ARHGAP24: variants seen among roughly 807,000 people sequenced by gnomAD.
The protein encoded by ARHGAP24 is Rho GTPase activating protein 24.
In ARHGAP24, 50 loss-of-function variants were observed where a neutral mutation model predicts 76.4. That is an observed-to-expected ratio of 0.65 (90% CI 0.52 to 0.83). ARHGAP24 has a LOEUF of 0.83. Among genes scored for constraint, ARHGAP24 ranks in the 40% least tolerant of loss-of-function variants. The pLI, the probability that ARHGAP24 is intolerant of heterozygous loss-of-function variation, is 0.00. For synonymous variants in ARHGAP24, 345 were observed against 323.3 expected, an observed-to-expected ratio of 1.07 and a Z score of -0.72; for missense variants, 930 against 914.2, an observed-to-expected ratio of 1.02 and a Z score of -0.22.
At chr4:85,751,181 T>C (rs1726248767) in intron 3 of ARHGAP24, among the ~76,000 whole-genome samples, 1 of 152,248 alleles carries the variant, frequency 6.6e-6, no homozygotes, top group Non-Finnish European at 1.5e-5. Context: ...TCTTGTTATG[T>C]ATCTTGTTTT....
At chr4:85,771,322 C>T (rs554758185) in intron 3 of ARHGAP24, among the ~76,000 whole-genome samples, 1 of 152,328 alleles carries the variant, frequency 6.6e-6, no homozygotes, top group East Asian at 1.9e-4. Flanking sequence ...TGGTGTAAAT[C>T]CCAGTCTGAG....
chr4:85,764,715 G>A (rs1726862271), intron 3 of ARHGAP24, among the ~76,000 whole-genome samples: 1 of 151,922 alleles, frequency 6.6e-6, no homozygotes, highest in East Asian at 1.9e-4. Context: ...AAGCTATTTG[G>A]GTGAGGGATC....
intron 5 of ARHGAP24, among the ~76,000 whole-genome samples, chr4:85,961,472 T>G (rs1486523850): frequency 6.6e-6 from 1 of 150,432 alleles, no homozygotes; most frequent in Non-Finnish European, 1.5e-5. Context: ...GCACAAGGAT[T>G]TGTTTACTTT....
At chr4:85,753,529 T>C (rs1726348805) in intron 3 of ARHGAP24, among the ~76,000 whole-genome samples, 2 of 152,230 alleles carry the variant, frequency 1.3e-5, no homozygotes, top group African/African-American at 4.8e-5. Context: ...GCCTTTGAAC[T>C]GGCACATGCT....
Position 85,995,036 on chromosome 4 carries a change from G to A in ARHGAP24, c.1382G>A (p.Arg461Lys), listed in dbSNP as rs368930425. Reference sequence around the variant, plus strand: ...CCCAATGGGAGCCTACAGGCCAGAAGGAGCTCTTCACTGAAGGTATCTGGT... The same window carrying A: ...CCCAATGGGAGCCTACAGGCCAGAAAGAGCTCTTCACTGAAGGTATCTGGT... ...TTPNGSLQARRSSSLKVSGTK... is the reference protein window; with the variant it reads ...TTPNGSLQARKSSSLKVSGTK... The change falls in exon 9 of 10, where the codon AGG becomes AAG. Residue 461 changes from arginine to lysine, a missense_variant. Arg to Lys is a conservative substitution (Grantham distance 26). Coordinates refer to ENST00000395184, the MANE Select transcript of ARHGAP24 (RefSeq NM_001025616.3). 2 of 1,613,936 alleles carry A rather than the reference G, an allele frequency of 1.2e-6. No homozygotes were observed. Among genetic ancestry groups the A allele is most frequent in the African/African-American group, 1.3e-5 (1 of 74,878 alleles).
In ARHGAP24 at chr4:85,690,801, C is replaced by T. The variant is rs369413661; in HGVS notation, c.181-31084C>T. 3.5e-5 allele frequency among the ~76,000 whole-genome samples: 5 copies of T among 142,632 alleles called. 1 individual carries two copies. 93.6% of individuals were successfully genotyped at this position (142,632 alleles called of 152,430 possible). A position where few individuals can be genotyped will look rare whatever the true frequency, so the allele number is the denominator to read the frequency against. ...TCATGGAACCAACTCTTGGTTTCAT[C>T]GATCTTTTGTATGGACTTTTGCATC... On this transcript the variant is annotated intron_variant, in intron 2 of 9. Transcript: ENST00000395184.
At chr4:85,654,644 A>T (rs1057035963) in intron 2 of ARHGAP24, among the ~76,000 whole-genome samples, 8 of 152,202 alleles carry the variant, frequency 5.3e-5, no homozygotes, top group African/African-American at 1.9e-4. Flanking sequence ...AATATATTTT[A>T]ATCTACATTT....
At chr4:85,510,764 C>T (rs910510055) in intron 1 of ARHGAP24, among the ~76,000 whole-genome samples, 7 of 150,488 alleles carry the variant, frequency 4.7e-5, no homozygotes, top group Non-Finnish European at 8.9e-5. Context: ...TTAATACATT[C>T]CTCCTCCTCC....
chr4:85,597,282 G>A (rs191986602), intron 2 of ARHGAP24, among the ~76,000 whole-genome samples: 70 of 152,090 alleles, frequency 4.6e-4, no homozygotes, highest in African/African-American at 1.6e-3. Flanking sequence ...TCATTTATAG[G>A]GAGTTAATCA....
At chr4:85,495,613 A>G (rs1032317109) in intron 1 of ARHGAP24, among the ~76,000 whole-genome samples, 2 of 151,952 alleles carry the variant, frequency 1.3e-5, no homozygotes, top group Non-Finnish European at 2.9e-5. Flanking sequence ...CGGCCGCCCA[A>G]AGTGCTGGGA....
intron 1 of ARHGAP24, among the ~76,000 whole-genome samples, chr4:85,552,050 T>C (rs979360974): frequency 1.1e-4 from 17 of 152,200 alleles, no homozygotes; most frequent in African/African-American, 3.6e-4. Flanking sequence ...GGCTATTTCA[T>C]GTCTTCTGCT....
intron 3 of ARHGAP24, among the ~76,000 whole-genome samples, chr4:85,816,489 G>T (rs1196950252): frequency 6.6e-6 from 1 of 152,020 alleles, no homozygotes; most frequent in Non-Finnish European, 1.5e-5. Context: ...CTTTTTTAAG[G>T]CTAAGTTTTC....
At chr4:85,742,247 T>G (rs925300753) in intron 3 of ARHGAP24, among the ~76,000 whole-genome samples, 2 of 151,900 alleles carry the variant, frequency 1.3e-5, no homozygotes, top group South Asian at 4.1e-4. Context: ...CCAGAAGAGA[T>G]AGGCAGTCAC....
At chr4:85,936,893 G>C (rs1342383921) in intron 4 of ARHGAP24, among the ~76,000 whole-genome samples, 1 of 152,202 alleles carries the variant, frequency 6.6e-6, no homozygotes, top group Non-Finnish European at 1.5e-5. Flanking sequence ...CATATTGTTT[G>C]TGAGGAAGCA....
chr4:85,693,732 C>T (rs1723759809), intron 2 of ARHGAP24, among the ~76,000 whole-genome samples: 1 of 152,218 alleles, frequency 6.6e-6, no homozygotes, highest in Non-Finnish European at 1.5e-5. Context: ...GGAGGGCCTG[C>T]AGAACAGGGA....
At chr4:85,695,869 C>G (rs540968894) in intron 2 of ARHGAP24, among the ~76,000 whole-genome samples, 3 of 152,204 alleles carry the variant, frequency 2.0e-5, no homozygotes, top group African/African-American at 7.2e-5. Context: ...TACCCAATAG[C>G]AAATACAATT....
At chr4:85,780,457 C>T (rs13120399) in intron 3 of ARHGAP24, among the ~76,000 whole-genome samples, 98,306 of 151,960 alleles carry the variant, frequency 0.65, 32,894 homozygotes, top group East Asian at 0.88. Context: ...CAAACGTGAG[C>T]CACTGCGCCC....
chr4:85,927,914 C>T (rs72976245), intron 4 of ARHGAP24, among the ~76,000 whole-genome samples: 3,279 of 152,264 alleles, frequency 0.022, 124 homozygotes, highest in African/African-American at 0.072. Context: ...TCTAGTTCTT[C>T]AGTCTCCTAG....
chr4:85,649,322 C>T (rs1051253904), intron 2 of ARHGAP24, among the ~76,000 whole-genome samples: 2 of 152,110 alleles, frequency 1.3e-5, no homozygotes, highest in South Asian at 2.1e-4. Context: ...AGACACTATT[C>T]TATTTAATAT....
Sources: gnomAD v4.1 joint callset for allele counts (sites outside exome capture counted in the v4.1 genomes callset) on GRCh38, gnomAD v4.1.1 for gene constraint, MANE v1.5 for transcripts, NCBI Gene and HGNC (gene_info 2026-07-23, HGNC 2026-07-21) for gene names.